Variants in KCNIP1 observed in about 807,000 individuals in gnomAD.
KCNIP1 encodes the protein A-type potassium channel modulatory protein KCNIP1.
Under a neutral mutation model 33.0 loss-of-function variants are expected in KCNIP1, and 18 were observed. That is an observed-to-expected ratio of 0.55 (90% confidence interval 0.38 to 0.81). KCNIP1 has a LOEUF of 0.81. Among genes scored for constraint, KCNIP1 ranks in the 30% least tolerant of loss-of-function variants. KCNIP1 has a pLI of 0.00. For missense variants in KCNIP1, 238 were observed against 271.6 expected (o/e 0.88, Z 0.87); for synonymous variants, 93 against 98.3 (o/e 0.95, Z 0.32).
intron 7 of KCNIP1, among the ~76,000 whole-genome samples, chr5:170,735,184 G>A (rs1764339331): frequency 6.6e-6 from 1 of 152,000 alleles, no homozygotes; most frequent in Non-Finnish European, 1.5e-5. Context: ...GCTTTGGGGG[G>A]TTTTCTTACT....
intron 1 of KCNIP1, among the ~76,000 whole-genome samples, chr5:170,471,414 G>A (rs375688762): frequency 2.2e-4 from 34 of 152,268 alleles, no homozygotes; most frequent in South Asian, 8.3e-4. Context: ...AGACCAGATC[G>A]GATGACCAAG....
intron 1 of KCNIP1, among the ~76,000 whole-genome samples, chr5:170,374,183 A>T (rs1763925660): frequency 6.6e-6 from 1 of 152,232 alleles, no homozygotes; most frequent in African/African-American, 2.4e-5. Flanking sequence ...AGCTGGTATC[A>T]CTTCAGTAAG....
intron 1 of KCNIP1, among the ~76,000 whole-genome samples, chr5:170,568,087 A>G (rs911389435): frequency 1.3e-5 from 2 of 152,180 alleles, no homozygotes; most frequent in African/African-American, 4.8e-5. Flanking sequence ...CTCACCTATA[A>G]AAATGGGATC....
intron 7 of KCNIP1, among the ~76,000 whole-genome samples, chr5:170,734,109 G>A (rs1180711344): frequency 6.6e-6 from 1 of 152,096 alleles, no homozygotes; most frequent in Non-Finnish European, 1.5e-5. Flanking sequence ...ACTGAACAGA[G>A]AGCCTAAGTA....
At chr5:170,487,708 G>C (rs1278570247) in intron 1 of KCNIP1, among the ~76,000 whole-genome samples, 1 of 151,882 alleles carries the variant, frequency 6.6e-6, no homozygotes, top group African/African-American at 2.4e-5. Context: ...TTTTTGTAGA[G>C]ACAGGGGCCA....
rs186521096 is a variant in KCNIP1, at chr5:170,633,098, G to A, written c.62-85660G>A. On this transcript the variant is annotated intron_variant, in intron 1 of 7. Coordinates refer to ENST00000328939, the MANE Select transcript of KCNIP1 (RefSeq NM_014592.4). ...TGAGCAGGGGGAGAGCAGAGGGAAG[G>A]GGGTTGCGAGGGTCACGCCTTCCCC... Among the ~76,000 whole-genome samples, 11 of 152,276 alleles carry A rather than the reference G, an allele frequency of 7.2e-5. No individual in the cohort carries two copies. In the East Asian group the frequency reaches 2.1e-3, roughly 30 times the overall value.
rs1373500888 is a variant in KCNIP1, at chr5:170,551,624, GTGTGTGTGTGTGCA to G, written c.61+47005_61+47018del. Among the ~76,000 whole-genome samples, 18 of 151,998 alleles carry G rather than the reference GTGTGTGTGTGTGCA, an allele frequency of 1.2e-4. 1 individual carries two copies. The highest frequency in any genetic ancestry group is 4.3e-4 in the African/African-American group (18 of 41,422). On this transcript the variant is annotated intron_variant, in intron 1 of 7. Coordinates refer to ENST00000328939, the MANE Select transcript of KCNIP1 (RefSeq NM_014592.4). ...TTTGTTCTTGCCAAGGTAGCTGTGT[GTGTGTGTGTGTGCA>G]TGTGTGTGTGTGCTTGAGTGACTGT...
At chr5:170,470,884 G>A (rs947572998) in intron 1 of KCNIP1, among the ~76,000 whole-genome samples, 1 of 152,210 alleles carries the variant, frequency 6.6e-6, no homozygotes, top group African/African-American at 2.4e-5. Context: ...GGTGGTTGGA[G>A]TTCGGTCCTC....
chr5:170,417,753 A>AC (rs1755369154), intron 1 of KCNIP1, among the ~76,000 whole-genome samples: 1 of 152,196 alleles, frequency 6.6e-6, no homozygotes, highest in African/African-American at 2.4e-5. Context: ...AATCACCTGA[A>AC]CATAGAGTAG....
rs1554103633 is a variant in KCNIP1, at chr5:170,598,924, T to TGTGTGCGC, written c.61+94296_61+94297insCGCGTGTG. Among the ~76,000 whole-genome samples, 3 of 150,362 alleles carry TGTGTGCGC rather than the reference T, an allele frequency of 2.0e-5. No homozygotes were observed. The Admixed American group carries it at 2.0e-4, about 10-fold the overall frequency. The stretch of plus-strand genomic sequence containing the variant: ...GTGCGCGTGTGTGTGTGTGTGTGTG[T>TGTGTGCGC]GTGTGTGTGTGTGTGTGTTTGGTGG... On this transcript the variant is annotated intron_variant, in intron 1 of 7. Transcript: ENST00000328939.
At chr5:170,452,850 T>G (rs925527992) in intron 1 of KCNIP1, among the ~76,000 whole-genome samples, 2 of 152,222 alleles carry the variant, frequency 1.3e-5, no homozygotes, top group African/African-American at 4.8e-5. Context: ...TAAGGAATTG[T>G]TATTCACTCG....
intron 1 of KCNIP1, among the ~76,000 whole-genome samples, chr5:170,630,480 G>A (rs981148268): frequency 6.6e-6 from 1 of 152,208 alleles, no homozygotes; most frequent in East Asian, 1.9e-4. Flanking sequence ...GATGAGTAGG[G>A]GGTCGAGTGT....
intron 1 of KCNIP1, among the ~76,000 whole-genome samples, chr5:170,417,891 T>C (rs550751992): frequency 6.6e-6 from 1 of 152,318 alleles, no homozygotes; most frequent in East Asian, 1.9e-4. Context: ...CTTCTCTCCT[T>C]ATACCCAGTC....
intron 1 of KCNIP1, among the ~76,000 whole-genome samples, chr5:170,619,118 A>C (rs1759510519): frequency 6.6e-6 from 1 of 152,234 alleles, no homozygotes; most frequent in African/African-American, 2.4e-5. Flanking sequence ...TTCCATGGGC[A>C]ATGACACACT....
chr5:170,370,621 C>T (rs899350500), intron 1 of KCNIP1, among the ~76,000 whole-genome samples: 8 of 152,180 alleles, frequency 5.3e-5, no homozygotes, highest in African/African-American at 1.7e-4. Context: ...CTGCTTGGGG[C>T]GAATGATCTG....
At chr5:170,675,549 A>T (rs897073400) in intron 1 of KCNIP1, among the ~76,000 whole-genome samples, 4 of 152,020 alleles carry the variant, frequency 2.6e-5, no homozygotes, top group African/African-American at 9.7e-5. Flanking sequence ...TGAACCCAGG[A>T]GGCGGAGGTT....
intron 1 of KCNIP1, among the ~76,000 whole-genome samples, chr5:170,445,062 C>T (rs1334839709): frequency 6.6e-6 from 1 of 152,206 alleles, no homozygotes; most frequent in East Asian, 1.9e-4. Context: ...ATTGATTGAG[C>T]AGCTACCCTG....
At chr5:170,475,767 C>T (rs1340919894) in intron 1 of KCNIP1, among the ~76,000 whole-genome samples, 1 of 152,062 alleles carries the variant, frequency 6.6e-6, no homozygotes, top group Non-Finnish European at 1.5e-5. Context: ...CCCTCCTTCC[C>T]CCTACTTCCT....
chr5:170,508,392 T>C (rs1754797924), intron 1 of KCNIP1, among the ~76,000 whole-genome samples: 1 of 152,168 alleles, frequency 6.6e-6, no homozygotes, highest in Non-Finnish European at 1.5e-5. Context: ...CCTAGATCAA[T>C]GAGCACCTCA....
Sources: allele counts gnomAD v4.1 joint callset (sites outside exome capture counted in the v4.1 genomes callset), GRCh38; gene constraint gnomAD v4.1.1; transcripts MANE v1.5; gene names NCBI Gene and HGNC (gene_info 2026-07-23, HGNC 2026-07-21).